The following CCDC88A variants were observed in gnomAD, a reference collection of about 807,000 sequenced individuals.
CCDC88A encodes girdin.
In CCDC88A, 54 loss-of-function variants were observed where a neutral mutation model predicts 234.3. The observed-to-expected ratio is 0.23, with a 90% CI of 0.19 to 0.29. The LOEUF is 0.29. Ranked by LOEUF, CCDC88A falls within the 10% of genes least tolerant of loss-of-function variation. CCDC88A has a pLI of 1.00. For synonymous variants in CCDC88A, 753 were observed against 737.8 expected (o/e 1.02, Z -0.33); for missense variants, 1,832 against 2,123.4 (o/e 0.86, Z 2.70).
chr2:55,401,743 C>T (rs534871031), intron 2 of CCDC88A, among the ~76,000 whole-genome samples: 1 of 151,752 alleles, frequency 6.6e-6, no homozygotes, highest in East Asian at 1.9e-4. Context: ...ATTACAGACA[C>T]AGCCTTTCAT....
intron 8 of CCDC88A, among the ~76,000 whole-genome samples, chr2:55,352,780 CA>C (rs1291286555): frequency 6.6e-6 from 1 of 152,068 alleles, no homozygotes; most frequent in Non-Finnish European, 1.5e-5. Flanking sequence ...AAATCAAAAG[CA>C]ATTATATCAT....
intron 15 of CCDC88A, among the ~76,000 whole-genome samples, chr2:55,333,551 T>TTAGC (rs1431996911): frequency 1.3e-5 from 2 of 152,186 alleles, no homozygotes; most frequent in Non-Finnish European, 2.9e-5. Context: ...CTGCTATTTA[T>TTAGC]TAGCTGTGTG....
At position 55,335,315 on chromosome 2, in the gene CCDC88A, C is replaced by T. The variant is rs965845975; in HGVS notation, c.1657-151G>A. On this transcript the variant is annotated intron_variant, in intron 14 of 32. Coordinates refer to ENST00000436346, the MANE Select transcript of CCDC88A (RefSeq NM_001365480.1). This position sits in a 1 kb window ranked among gnomAD's most constrained non-coding sequence, Gnocchi z 4.5. ...TCTGACAAGTATTTACTGAAGACCACTGTGTACACTTACTGTGAGGTCATT... is the reference window on the plus strand; with the variant it reads ...TCTGACAAGTATTTACTGAAGACCATTGTGTACACTTACTGTGAGGTCATT... 2 of 200,762 alleles carry T rather than the reference C, an allele frequency of 1.0e-5. No individual in the cohort carries two copies. The highest frequency in any genetic ancestry group is 1.6e-5 in the Non-Finnish European group (2 of 127,060). 12.4% of individuals were successfully genotyped at this position (200,762 alleles called of 1,614,324 possible).
chr2:55,415,358 A>T (rs977106772), intron 2 of CCDC88A, among the ~76,000 whole-genome samples: 1 of 152,162 alleles, frequency 6.6e-6, no homozygotes, highest in African/African-American at 2.4e-5. Flanking sequence ...CCAGAGACCA[A>T]ATTTGCCCTC....
At chr2:55,315,382 T>C (rs1682857500) in intron 22 of CCDC88A, 1 of 152,244 alleles carries the variant, frequency 6.6e-6, no homozygotes, top group Non-Finnish European at 1.5e-5. Context: ...GGTTGAATAG[T>C]TTTGCTTTAA....
chr2:55,324,619 G>A (rs879760360), intron 17 of CCDC88A, among the ~76,000 whole-genome samples: 3 of 151,850 alleles, frequency 2.0e-5, no homozygotes, highest in African/African-American at 2.4e-5. Context: ...CATTTTCCTT[G>A]AGTAAAGAGA....
intron 18 of CCDC88A, among the ~76,000 whole-genome samples, chr2:55,321,365 G>A (rs1405572719): frequency 6.6e-6 from 1 of 151,938 alleles, no homozygotes; most frequent in African/African-American, 2.4e-5. Flanking sequence ...ATCCTGACAA[G>A]CATGGTGAAA....
chr2:55,296,255 A>C lies in CCDC88A; in HGVS notation c.5091+3T>G. The C allele has an allele frequency of 6.2e-7, 1 of 1,613,510 alleles. No individual in the cohort carries two copies. On this transcript the variant is annotated splice_donor_region_variant and intron_variant, in intron 30 of 32. Transcript: ENST00000436346. The stretch of plus-strand genomic sequence containing the variant: ...AATTAAGGTCATCATAGATAAAACT[A>C]ACCTGTACTGAGGTAAGCTTATTGC...
At chr2:55,329,358 TGA>T (rs1245950381) in intron 16 of CCDC88A, 1 of 152,236 alleles carries the variant, frequency 6.6e-6, no homozygotes, top group African/African-American at 2.4e-5. Flanking sequence ...AGTATGTATA[TGA>T]GAGTTTCACC....
At chr2:55,412,445 G>A (rs567891737) in intron 2 of CCDC88A, among the ~76,000 whole-genome samples, 75 of 152,278 alleles carry the variant, frequency 4.9e-4, no homozygotes, top group African/African-American at 1.7e-3. Context: ...AGTGGTGGGC[G>A]GGCAAGCATT....
chr2:55,288,844 ATTATT>A lies in CCDC88A; in HGVS notation c.*2351_*2355del, dbSNP rs1679244216. On this transcript the variant is annotated 3_prime_UTR_variant, in exon 33 of 33. Transcript: ENST00000436346. ...CTCCGATTCGTTTCCAGTTGGCTTT[ATTATT>A]GTTTGGCAGAAGTTGTTTAGGGGAG... is the stretch of plus-strand genomic sequence containing the variant. 6.6e-6 allele frequency: 1 copy of A among 152,164 alleles called. No homozygotes were observed. Among genetic ancestry groups the A allele is most frequent in the Non-Finnish European group, 1.5e-5 (1 of 68,004 alleles). The allele number at this position is 152,164 out of a possible 1,614,324, so 9.4% of individuals were successfully genotyped here.
intron 5 of CCDC88A, among the ~76,000 whole-genome samples, chr2:55,365,998 T>G (rs762868573): frequency 6.6e-6 from 1 of 152,184 alleles, no homozygotes; most frequent in East Asian, 1.9e-4. Flanking sequence ...GCTACTGTAT[T>G]GAATAGGCCA....
intron 2 of CCDC88A, among the ~76,000 whole-genome samples, chr2:55,403,025 T>A (rs1015347194): frequency 6.6e-6 from 1 of 151,882 alleles, no homozygotes; most frequent in African/African-American, 2.4e-5. Flanking sequence ...AAAAACCACA[T>A]TCATTAATAT....
In CCDC88A at chr2:55,317,328, C is replaced by A; in HGVS notation, c.3624G>T (p.Gln1208His). The A allele has an allele frequency of 6.6e-7, 1 of 1,516,406 alleles. No homozygotes were observed. The highest frequency in any genetic ancestry group is 8.9e-7 in the Non-Finnish European group (1 of 1,128,392). The allele number at this position is 1,516,406 out of a possible 1,614,324, so 93.9% of individuals were successfully genotyped here. ...TTTCCAAATCTTCCAACTGTCCTTT[C>A]TGTTTTAATAACTGATTGTAACTGG... ...LEDRYNQLLK[Q>H]KGQLEDLEKM... Residue 1208 changes from glutamine (Q) to histidine (H), a missense_variant, in exon 21 of 33, where the codon CAG (glutamine) becomes CAT (histidine). Physicochemically the swap from Gln to His is conservative, Grantham distance 24. Transcript: ENST00000436346. This position sits in a 1 kb window ranked among gnomAD's most constrained non-coding sequence, Gnocchi z 4.2.
intron 8 of CCDC88A, among the ~76,000 whole-genome samples, chr2:55,352,976 A>C (rs868409335): frequency 6.6e-6 from 1 of 152,196 alleles, no homozygotes; most frequent in Non-Finnish European, 1.5e-5. Flanking sequence ...ACTTCTTTTT[A>C]ATAATAGAAG....
chr2:55,338,614 G>T (rs1250853148), intron 13 of CCDC88A, among the ~76,000 whole-genome samples: 1 of 152,122 alleles, frequency 6.6e-6, no homozygotes, highest in Non-Finnish European at 1.5e-5. Context: ...AAGGAATAAG[G>T]GCTAATTTCA....
intron 28 of CCDC88A, 161 bp downstream of exon 28, chr2:55,301,045 A>G: frequency 3.5e-6 from 2 of 577,218 alleles, no homozygotes; most frequent in South Asian, 4.3e-5. Context: ...AAGAGGCAGA[A>G]GGGAGTATTA....
chr2:55,337,408 T>C (rs1211250851), intron 13 of CCDC88A: 1 of 152,110 alleles, frequency 6.6e-6, no homozygotes, highest in African/African-American at 2.4e-5. Context: ...AAATAGCAAA[T>C]TAAAGTTAAA....
At chr2:55,346,601 G>C (rs1335755805) in intron 9 of CCDC88A, among the ~76,000 whole-genome samples, 5 of 151,930 alleles carry the variant, frequency 3.3e-5, no homozygotes, top group African/African-American at 9.7e-5. Flanking sequence ...TGTATTTTTA[G>C]TAGAGATGGA....
Sources: gnomAD v4.1 joint callset for allele counts (sites outside exome capture counted in the v4.1 genomes callset) on GRCh38, gnomAD v4.1.1 for gene constraint, Gnocchi (gnomAD v3.1) non-coding constraint, MANE v1.5 for transcripts, NCBI Gene and HGNC (gene_info 2026-07-23, HGNC 2026-07-21) for gene names.